ASTN1: variants seen among roughly 807,000 people sequenced by gnomAD.
ASTN1 encodes the protein astrotactin 1, also known as astrotactin-1.
A neutral mutation model predicts 140.7 loss-of-function variants in ASTN1; 41 were observed. The ratio of observed to expected loss-of-function variants is 0.29; its 90% CI spans 0.23 to 0.38. The LOEUF (loss-of-function observed/expected upper bound fraction) is 0.38. Ranked by LOEUF, ASTN1 falls within the 10% of genes least tolerant of loss-of-function variation. ASTN1 has a pLI of 1.00. For synonymous variants in ASTN1, 640 were observed against 652.2 expected (o/e 0.98, Z 0.29); for missense variants, 1,479 against 1,678.8 (o/e 0.88, Z 2.08).
intron 16 of ASTN1, among the ~76,000 whole-genome samples, chr1:176,895,594 A>G (rs1669469069): frequency 6.6e-6 from 1 of 152,230 alleles, no homozygotes; most frequent in Non-Finnish European, 1.5e-5. Flanking sequence ...TTTCAAAAAG[A>G]TTTGCACTCC....
chr1:176,887,954 GC>G, intron 18 of ASTN1, 116 bp downstream of exon 18: 1 of 1,396,360 alleles, frequency 7.2e-7, no homozygotes, highest in Non-Finnish European at 9.7e-7. Flanking sequence ...CTCTCTAAAG[GC>G]AGGTATTGTG....
intron 9 of ASTN1, 151 bp from the exon 10 acceptor site, chr1:176,958,633 T>TA: frequency 8.7e-7 from 1 of 1,154,930 alleles, no homozygotes; most frequent in Non-Finnish European, 1.2e-6. Context: ...GACTAAGTTC[T>TA]AAGGAGGCAG....
intron 11 of ASTN1, among the ~76,000 whole-genome samples, chr1:176,951,158 C>T (rs1182720153): frequency 6.6e-6 from 1 of 152,236 alleles, no homozygotes; most frequent in Non-Finnish European, 1.5e-5. Flanking sequence ...AAGGTGACAG[C>T]ATTTAAAGAA....
At chr1:176,884,312 C>G (rs370700052) in intron 19 of ASTN1, 27 bp downstream of exon 19, 66 of 1,605,958 alleles carry the variant, frequency 4.1e-5, no homozygotes, top group Non-Finnish European at 5.5e-5. Flanking sequence ...TGGATCAAGA[C>G]AAGCCCATGA....
At chr1:176,943,821 C>T (rs1270415197) in intron 14 of ASTN1, 70 bp downstream of exon 14, 2 of 1,494,110 alleles carry the variant, frequency 1.3e-6, no homozygotes, top group Non-Finnish European at 1.8e-6. Context: ...GAGGTCAAAT[C>T]TTAATTTTAT....
At chr1:177,013,811 C>G (rs1675410601) in intron 8 of ASTN1, among the ~76,000 whole-genome samples, 1 of 152,148 alleles carries the variant, frequency 6.6e-6, no homozygotes, top group Non-Finnish European at 1.5e-5. Context: ...CCTTCTCCTC[C>G]CACCCTCCTT....
At chr1:177,002,416 C>T (rs2861881) in intron 8 of ASTN1, among the ~76,000 whole-genome samples, 82,909 of 147,808 alleles carry the variant, frequency 0.56, 23,195 homozygotes, top group Non-Finnish European at 0.59. Flanking sequence ...CACACACACA[C>T]ATGAACAAAT....
chr1:176,884,596 T>C (rs1002905757), intron 18 of ASTN1, 106 bp from the exon 19 acceptor site: 2 of 1,266,590 alleles, frequency 1.6e-6, no homozygotes, highest in Admixed American at 4.0e-5. Context: ...CCCAACCAAC[T>C]ACAAAAATGA....
intron 18 of ASTN1, among the ~76,000 whole-genome samples, chr1:176,885,752 C>G (rs1669008270): frequency 6.6e-6 from 1 of 152,152 alleles, no homozygotes; most frequent in Admixed American, 6.5e-5. Context: ...CAGTGGTGCA[C>G]AAGCCCATCC....
chr1:176,871,196 G>A (rs1282276892), intron 21 of ASTN1, among the ~76,000 whole-genome samples: 4 of 152,152 alleles, frequency 2.6e-5, no homozygotes, highest in Non-Finnish European at 4.4e-5. Flanking sequence ...TAGCTGTGCA[G>A]GGGGTCTGTC....
intron 21 of ASTN1, among the ~76,000 whole-genome samples, chr1:176,875,266 G>C (rs1452437799): frequency 6.6e-6 from 1 of 152,182 alleles, no homozygotes; most frequent in Non-Finnish European, 1.5e-5. Flanking sequence ...AAGAACTGAG[G>C]AAGGCAGTGA....
chr1:176,910,826 C>G (rs918595222), intron 16 of ASTN1, among the ~76,000 whole-genome samples: 7 of 152,180 alleles, frequency 4.6e-5, no homozygotes, highest in Non-Finnish European at 1.0e-4. Flanking sequence ...CACCTCCTGT[C>G]ACATCAGCGG....
chr1:176,913,263 C>A (rs1416495065), intron 16 of ASTN1, among the ~76,000 whole-genome samples: 1 of 152,180 alleles, frequency 6.6e-6, no homozygotes, highest in Non-Finnish European at 1.5e-5. Flanking sequence ...GATTTCAATT[C>A]TTCTTTGGTC....
intron 19 of ASTN1, 147 bp downstream of exon 19, chr1:176,884,192 G>GA: frequency 2.1e-6 from 2 of 931,446 alleles, no homozygotes; most frequent in South Asian, 4.6e-5. Context: ...TCCTGGAGAA[G>GA]AAGAACAGCT....
downstream of ASTN1, among the ~76,000 whole-genome samples, chr1:176,859,251 C>T (rs1667892673): frequency 6.6e-6 from 1 of 152,178 alleles, no homozygotes; most frequent in African/African-American, 2.4e-5. Context: ...CCTATCTGGG[C>T]TCTAAGGTTT....
intron 16 of ASTN1, among the ~76,000 whole-genome samples, chr1:176,897,186 A>G (rs1669546528): frequency 6.7e-6 from 1 of 150,034 alleles, no homozygotes; most frequent in Non-Finnish European, 1.5e-5. Context: ...GAGGCAAGAG[A>G]ATCGCTTGAA....
Position 176,861,533 on chromosome 1 carries a change from G to C in ASTN1, c.*2751C>G. 1 of 985,856 alleles carries C rather than the reference G, an allele frequency of 1.0e-6. No individual in the cohort carries two copies. The highest frequency in any genetic ancestry group is 1.2e-6 in the Non-Finnish European group (1 of 829,970). The allele number at this position is 985,856 out of a possible 1,614,324, so 61.1% of individuals were successfully genotyped here. A position where few individuals can be genotyped will look rare whatever the true frequency, so the allele number is the denominator to read the frequency against. On this transcript the variant is annotated 3_prime_UTR_variant, in exon 23 of 23. Coordinates refer to ENST00000361833, the MANE Select transcript of ASTN1 (RefSeq NM_004319.3). Reference sequence around the variant, plus strand: ...GGTAAGCATTAGGAAAAGTCAGCAGGTTGAGATCAATAGTGTCTTCCAAGG... The same window carrying C: ...GGTAAGCATTAGGAAAAGTCAGCAGCTTGAGATCAATAGTGTCTTCCAAGG...
chr1:177,014,987 A>G, intron 7 of ASTN1, 112 bp from the exon 8 acceptor site: 1 of 908,494 alleles, frequency 1.1e-6, no homozygotes, highest in Non-Finnish European at 1.7e-6. Flanking sequence ...CTCTGATATT[A>G]GCATGAATGA....
intron 22 of ASTN1, among the ~76,000 whole-genome samples, chr1:176,866,882 C>T (rs1668142316): frequency 6.6e-6 from 1 of 152,186 alleles, no homozygotes; most frequent in Non-Finnish European, 1.5e-5. Flanking sequence ...TCACAATTAA[C>T]CCCAAAGTGG....
Sources: allele counts gnomAD v4.1 joint callset (sites outside exome capture counted in the v4.1 genomes callset), GRCh38; gene constraint gnomAD v4.1.1; transcripts MANE v1.5; gene names NCBI Gene and HGNC (gene_info 2026-07-23, HGNC 2026-07-21).